RUVBL1: variants seen among roughly 807,000 people sequenced by gnomAD.
RUVBL1 encodes ruvB-like 1.
RUVBL1 carries 4 observed loss-of-function variants against 52.4 expected under a neutral mutation model. That is an observed-to-expected ratio of 0.08 (90% CI 0.04 to 0.17). The LOEUF (loss-of-function observed/expected upper bound fraction) is 0.17. Ranked by LOEUF, RUVBL1 falls within the 10% of genes least tolerant of loss-of-function variation. The pLI is 1.00. For synonymous variants in RUVBL1, 217 were observed against 214.4 expected (o/e 1.01, Z -0.10); for missense variants, 298 against 572.8 (o/e 0.52, Z 4.90).
intron 1 of RUVBL1, among the ~76,000 whole-genome samples, chr3:128,139,015 CT>C (rs752731338): frequency 5.3e-5 from 8 of 152,220 alleles, no homozygotes; most frequent in Admixed American, 6.5e-5. Context: ...AACTAGACCC[CT>C]ATCTCTCTCC....
intron 1 of RUVBL1, among the ~76,000 whole-genome samples, chr3:128,137,991 A>T (rs1401681998): frequency 6.6e-6 from 1 of 152,158 alleles, no homozygotes; most frequent in Non-Finnish European, 1.5e-5. Flanking sequence ...AAAATTCAAT[A>T]TCCTACTATA....
intron 8 of RUVBL1, among the ~76,000 whole-genome samples, chr3:128,093,216 A>G (rs1323669629): frequency 6.6e-6 from 1 of 152,250 alleles, no homozygotes; most frequent in Non-Finnish European, 1.5e-5. Flanking sequence ...CATCATGCTA[A>G]GTGAAAGAAG....
At chr3:128,140,867 C>A (rs1226721876) in intron 1 of RUVBL1, among the ~76,000 whole-genome samples, 6 of 152,070 alleles carry the variant, frequency 3.9e-5, no homozygotes, top group Admixed American at 3.9e-4. Flanking sequence ...AGTATATATA[C>A]CATCTAGGTT....
chr3:128,115,972 A>G (rs780542752), intron 2 of RUVBL1, among the ~76,000 whole-genome samples: 2 of 151,942 alleles, frequency 1.3e-5, no homozygotes, highest in African/African-American at 4.8e-5. Context: ...CGAAAACTAC[A>G]AAAATTAGCC....
At chr3:128,151,040 T>A (rs1279710385) in intron 1 of RUVBL1, among the ~76,000 whole-genome samples, 1 of 101,874 alleles carries the variant, frequency 9.8e-6, no homozygotes, top group Non-Finnish European at 1.8e-5. Context: ...TATTCTATAT[T>A]CTATATATTC....
Position 128,082,091 on chromosome 3 carries a change from A to G in RUVBL1, c.1211+392T>C. The stretch of plus-strand genomic sequence containing the variant: ...TTTTTTATTTGCTTGATGGTTAAAT[A>G]AATCAAAAAAGTTAAAGATTTACCA... On this transcript the variant is annotated intron_variant, in intron 10 of 10. Coordinates refer to ENST00000322623, the MANE Select transcript of RUVBL1 (RefSeq NM_003707.3). The surrounding 1 kb of genome is among the most constrained non-coding windows in gnomAD (Gnocchi z 4.7). 1 of 175,760 alleles carries G rather than the reference A, an allele frequency of 5.7e-6. No homozygotes were observed. The highest frequency in any genetic ancestry group is 1.3e-4 in the South Asian group (1 of 7,868). The allele number at this position is 175,760 out of a possible 1,614,324, so 10.9% of individuals were successfully genotyped here.
intron 1 of RUVBL1, among the ~76,000 whole-genome samples, chr3:128,139,974 G>A (rs1365886491): frequency 3.9e-5 from 6 of 152,206 alleles, no homozygotes; most frequent in Admixed American, 1.3e-4. Flanking sequence ...GCACAGCAGC[G>A]TGACTATAGT....
chr3:128,139,455 A>G (rs1181408001), intron 1 of RUVBL1, among the ~76,000 whole-genome samples: 1 of 152,220 alleles, frequency 6.6e-6, no homozygotes, highest in Non-Finnish European at 1.5e-5. Flanking sequence ...GGTGCTCACC[A>G]TCACTGATCA....
chr3:128,145,871 C>T, intron 1 of RUVBL1, among the ~76,000 whole-genome samples: 1 of 152,202 alleles, frequency 6.6e-6, no homozygotes, highest in Admixed American at 6.5e-5. Context: ...GTCTTTCTGT[C>T]TTCCCTCCAG....
At chr3:128,065,198 G>A (rs1327852508) in exon 10 of RUVBL1, 1 of 827,606 alleles carries the variant, frequency 1.2e-6, no homozygotes, top group Non-Finnish European at 2.1e-6. Flanking sequence ...AGCTGGACAA[G>A]CATGTTCATT....
downstream of RUVBL1, among the ~76,000 whole-genome samples, chr3:128,077,915 T>C (rs149176194): frequency 2.3e-3 from 349 of 152,336 alleles, 2 homozygotes; most frequent in African/African-American, 7.5e-3. Flanking sequence ...CAGCTACATG[T>C]GGGTCACTTC....
At chr3:128,093,669 C>G (rs1942905718) in intron 8 of RUVBL1, among the ~76,000 whole-genome samples, 1 of 152,148 alleles carries the variant, frequency 6.6e-6, no homozygotes, top group Admixed American at 6.5e-5. Flanking sequence ...TCCCAGTTTT[C>G]AAGCTGGGAT....
At chr3:128,140,953 C>A (rs1190304801) in intron 1 of RUVBL1, among the ~76,000 whole-genome samples, 2 of 152,180 alleles carry the variant, frequency 1.3e-5, no homozygotes, top group Non-Finnish European at 2.9e-5. Context: ...GTATCCCTGG[C>A]ATTAAGGGAC....
upstream of RUVBL1, chr3:128,123,997 G>C: frequency 5.1e-6 from 4 of 780,254 alleles, no homozygotes; most frequent in Non-Finnish European, 6.2e-6. Context: ...GCTGGGGTCG[G>C]GAGCACAGTG....
chr3:128,130,517 T>A (rs1943856639), intron 1 of RUVBL1, among the ~76,000 whole-genome samples: 2 of 151,124 alleles, frequency 1.3e-5, no homozygotes, highest in Admixed American at 1.3e-4. Flanking sequence ...CCTCAGCACT[T>A]TGGGAGGCCG....
At chr3:128,069,684 A>T in intron 9 of RUVBL1, 1 of 1,609,928 alleles carries the variant, frequency 6.2e-7, no homozygotes, top group Non-Finnish European at 8.5e-7. Flanking sequence ...GGACAGGTTG[A>T]GGAAGCTGCT....
intron 2 of RUVBL1, among the ~76,000 whole-genome samples, chr3:128,114,332 C>A (rs977002251): frequency 6.6e-6 from 1 of 152,134 alleles, no homozygotes; most frequent in South Asian, 2.1e-4. Context: ...CTTTTCTATG[C>A]CCTTTTGGTG....
chr3:128,126,168 C>T (rs147474786), upstream of RUVBL1, among the ~76,000 whole-genome samples: 295 of 151,822 alleles, frequency 1.9e-3, 1 homozygote, highest in African/African-American at 6.6e-3. Context: ...AGGATACCAG[C>T]TCCATGCCCC....
intron 1 of RUVBL1, among the ~76,000 whole-genome samples, chr3:128,144,768 T>C (rs1226141838): frequency 2.0e-5 from 3 of 152,200 alleles, no homozygotes; most frequent in African/African-American, 4.8e-5. Context: ...CAGTAGACTA[T>C]AGGAGGCGTG....
Sources: gnomAD v4.1 joint callset for allele counts (sites outside exome capture counted in the v4.1 genomes callset) on GRCh38, gnomAD v4.1.1 for gene constraint, Gnocchi (gnomAD v3.1) non-coding constraint, MANE v1.5 for transcripts, NCBI Gene and HGNC (gene_info 2026-07-23, HGNC 2026-07-21) for gene names.